UST: variants seen among roughly 807,000 people sequenced by gnomAD.
The protein encoded by UST is chondroitin sulfate 2-O-sulfotransferase.
In UST, 21 loss-of-function variants were observed where a neutral mutation model predicts 45.6. The observed-to-expected ratio is 0.46, with a 90% CI of 0.33 to 0.66. UST has a LOEUF of 0.66. UST is among the 30% of genes least tolerant of loss of function. The pLI is 0.02. For missense variants in UST, 463 were observed against 512.4 expected (o/e 0.90, Z 0.93); for synonymous variants, 215 against 200.6 (o/e 1.07, Z -0.61).
At chr6:148,953,643 C>T (rs769804350) in intron 3 of UST, among the ~76,000 whole-genome samples, 10 of 151,968 alleles carry the variant, frequency 6.6e-5, no homozygotes, top group Admixed American at 2.0e-4. Flanking sequence ...TGGTGGCGGG[C>T]GCCTGTAGTC....
chr6:148,940,762 C>G lies in UST; in HGVS notation c.292-517C>G, dbSNP rs141158923. On this transcript the variant is annotated intron_variant, in intron 2 of 7. Transcript: ENST00000367463. ...CATTGCGATTTTGATTTGCATTTCC[C>G]TGTGACTAATGATGTTGAGCATTTT... Among the ~76,000 whole-genome samples, 55 of 152,300 alleles carry G rather than the reference C, an allele frequency of 3.6e-4. 2 individuals are homozygous for G. In the East Asian group the frequency reaches 8.1e-3, roughly 22 times the overall value.
chr6:148,909,574 G>A (rs1779435504), intron 2 of UST, among the ~76,000 whole-genome samples: 3 of 152,050 alleles, frequency 2.0e-5, no homozygotes, highest in Non-Finnish European at 4.4e-5. Flanking sequence ...TTTTTGTTTT[G>A]GCAGTAGAGC....
At chr6:148,824,731 A>G (rs1777536495) in intron 1 of UST, among the ~76,000 whole-genome samples, 1 of 139,082 alleles carries the variant, frequency 7.2e-6, no homozygotes, top group Non-Finnish European at 1.5e-5. Flanking sequence ...CACATTGTGC[A>G]GGTTAGTTAC....
chr6:148,834,654 G>C (rs1427296547), intron 1 of UST, among the ~76,000 whole-genome samples: 2 of 152,114 alleles, frequency 1.3e-5, no homozygotes, highest in African/African-American at 4.8e-5. Context: ...AGGATTGCTT[G>C]AGCCTGTGAG....
chr6:149,017,545 A>G (rs1775921480), intron 5 of UST, among the ~76,000 whole-genome samples: 1 of 152,128 alleles, frequency 6.6e-6, no homozygotes. Flanking sequence ...GTGTTTATGT[A>G]AACATGTTGA....
At chr6:148,754,287 C>T (rs188968364) in intron 1 of UST, among the ~76,000 whole-genome samples, 62 of 152,258 alleles carry the variant, frequency 4.1e-4, no homozygotes, top group Middle Eastern at 3.4e-3. Context: ...TGAGCCACCG[C>T]GCCCGGCCAC....
intron 7 of UST, among the ~76,000 whole-genome samples, chr6:149,068,031 A>G (rs1776767347): frequency 6.6e-6 from 1 of 152,054 alleles, no homozygotes; most frequent in Non-Finnish European, 1.5e-5. Flanking sequence ...GATCGTGCCC[A>G]ATTTTTTTTT....
At chr6:148,978,557 C>T (rs1444786314) in intron 5 of UST, among the ~76,000 whole-genome samples, 4 of 152,004 alleles carry the variant, frequency 2.6e-5, no homozygotes, top group Non-Finnish European at 4.4e-5. Context: ...TCATCCTCAG[C>T]AAACTAACAC....
chr6:148,822,688 TACAA>T (rs1400091322), intron 1 of UST, among the ~76,000 whole-genome samples: 1 of 152,200 alleles, frequency 6.6e-6, no homozygotes, highest in Non-Finnish European at 1.5e-5. Flanking sequence ...TCTTCAATGA[TACAA>T]ACAAACCTGA....
chr6:148,977,430 GT>G (rs1232056964), intron 5 of UST, among the ~76,000 whole-genome samples: 1 of 151,908 alleles, frequency 6.6e-6, no homozygotes, highest in East Asian at 1.9e-4. Context: ...CTTTGTCTTT[GT>G]TCATTTTTCC....
chr6:148,963,267 C>T (rs1780705938), intron 4 of UST, among the ~76,000 whole-genome samples: 1 of 152,106 alleles, frequency 6.6e-6, no homozygotes, highest in South Asian at 2.1e-4. Flanking sequence ...TCTTTCTGAC[C>T]CCTGACAGAA....
At chr6:148,941,175 C>G in intron 2 of UST, 104 bp from the exon 3 acceptor site, 1 of 1,393,448 alleles carries the variant, frequency 7.2e-7, no homozygotes, top group Non-Finnish European at 1.0e-6. Flanking sequence ...GCCTTTTTCA[C>G]TCAGATTTAT....
rs367872137 is a variant in UST at position 149,059,868 on chromosome 6, G to T, written c.938-13965G>T. 2.3e-4 allele frequency among the ~76,000 whole-genome samples: 35 copies of T among 152,136 alleles called. No homozygotes were observed. The East Asian group carries it at 5.2e-3, about 23-fold the overall frequency. On this transcript the variant is annotated intron_variant, in intron 7 of 7. Transcript: ENST00000367463. Reference sequence around the variant, plus strand: ...CTGCCCTCATCTCCAATTCCATGGGGTTAGGACCCGCCTCCGTGATGTTTC... The same window carrying T: ...CTGCCCTCATCTCCAATTCCATGGGTTTAGGACCCGCCTCCGTGATGTTTC...
intron 6 of UST, among the ~76,000 whole-genome samples, chr6:149,020,691 G>A (rs1256141642): frequency 6.6e-6 from 1 of 152,154 alleles, no homozygotes; most frequent in East Asian, 1.9e-4. Flanking sequence ...CAGGCCTGGA[G>A]CCCCACTCCC....
intron 1 of UST, among the ~76,000 whole-genome samples, chr6:148,831,072 G>GT (rs1448222559): frequency 6.7e-6 from 1 of 149,214 alleles, no homozygotes; most frequent in Non-Finnish European, 1.5e-5. Context: ...AGAAAAGGGG[G>GT]GGGTGGGAAG....
chr6:148,884,587 A>G lies in UST; in HGVS notation c.248-2399A>G, dbSNP rs539934943. 4.6e-5 allele frequency among the ~76,000 whole-genome samples: 7 copies of G among 152,212 alleles called. No individual in the cohort carries two copies. In the East Asian group the frequency reaches 1.2e-3, roughly 25 times the overall value. On this transcript the variant is annotated intron_variant, in intron 1 of 7. Coordinates refer to ENST00000367463, the MANE Select transcript of UST (RefSeq NM_005715.3). ...AGAAGGCTGTGGTGGCTAGTGGTGC[A>G]TGGAGGGGGAGGTGGGGCCTGGGTG... is the stretch of plus-strand genomic sequence containing the variant.
chr6:148,935,128 C>T (rs899745012), intron 2 of UST, among the ~76,000 whole-genome samples: 1 of 152,168 alleles, frequency 6.6e-6, no homozygotes, highest in Non-Finnish European at 1.5e-5. Flanking sequence ...TGGTTCCTGT[C>T]GTGCTCAGGA....
intron 1 of UST, among the ~76,000 whole-genome samples, chr6:148,844,527 A>G (rs1777948331): frequency 6.6e-6 from 1 of 152,196 alleles, no homozygotes; most frequent in Non-Finnish European, 1.5e-5. Context: ...GAACATGTCC[A>G]CTGATCAGAA....
chr6:148,775,165 C>CCT (rs1419232397), intron 1 of UST, among the ~76,000 whole-genome samples: 1 of 152,198 alleles, frequency 6.6e-6, no homozygotes, highest in Non-Finnish European at 1.5e-5. Context: ...CTAGGCCCGC[C>CCT]CTCTACCTGA....
Sources: gnomAD v4.1 joint callset for allele counts (sites outside exome capture counted in the v4.1 genomes callset) on GRCh38, gnomAD v4.1.1 for gene constraint, MANE v1.5 for transcripts, NCBI Gene and HGNC (gene_info 2026-07-23, HGNC 2026-07-21) for gene names.